The following EPHA4 variants were observed in gnomAD, a reference collection of about 807,000 sequenced individuals.
The protein encoded by EPHA4 is EPH receptor A4, also known as ephrin type-A receptor 4.
Under a neutral mutation model 108.3 loss-of-function variants are expected in EPHA4, and 19 were observed. That is an observed-to-expected ratio of 0.18 (90% CI 0.12 to 0.26). The LOEUF (loss-of-function observed/expected upper bound fraction) is 0.26. Among genes scored for constraint, EPHA4 ranks in the 10% least tolerant of loss-of-function variants. EPHA4 has a pLI of 1.00. For missense variants in EPHA4, 917 were observed against 1,254.0 expected, an observed-to-expected ratio of 0.73 and a Z score of 4.06; for synonymous variants, 449 against 455.5, an observed-to-expected ratio of 0.99 and a Z score of 0.18.
upstream of EPHA4, chr2:221,572,450 G>A (rs1201333784): frequency 7.8e-6 from 3 of 386,534 alleles, no homozygotes; most frequent in African/African-American, 2.1e-5. Flanking sequence ...CCGCCCCAGG[G>A]TTCCGCCCCC....
rs146267447 is a variant in EPHA4, at chr2:221,430,524, C to G, written c.2497-373G>C. 6.5e-4 allele frequency among the ~76,000 whole-genome samples: 99 copies of G among 152,156 alleles called. 1 individual carries two copies. Among genetic ancestry groups the G allele is most frequent in the African/African-American group, 2.2e-3 (90 of 41,520 alleles). On this transcript the variant is annotated intron_variant, in intron 14 of 17. Transcript: ENST00000281821. ...TCTGCTATTAGCACACCTAAACACT[C>G]TTCGCAAAAGAGACTCTGACTTAGT...
intron 5 of EPHA4, among the ~76,000 whole-genome samples, chr2:221,460,288 A>G (rs547332249): frequency 2.0e-5 from 3 of 152,212 alleles, no homozygotes; most frequent in Non-Finnish European, 4.4e-5. Flanking sequence ...AGAACGAAGG[A>G]TTAAATGAAA....
At position 221,571,260 on chromosome 2, in the gene EPHA4, A is replaced by G. The variant is rs1449332682; in HGVS notation, c.91+898T>C. On this transcript the variant is annotated intron_variant, in intron 1 of 17. Transcript: ENST00000281821. The surrounding 1 kb of genome is among the most constrained non-coding windows in gnomAD (Gnocchi z 6.3). ...ATGCACACACACACCACACATACAC[A>G]CACACACACACACAGTTCGCCTCTC... Among the ~76,000 whole-genome samples the G allele has an allele frequency of 6.7e-6, 1 of 149,596 alleles. No individual in the cohort carries two copies. Among genetic ancestry groups the G allele is most frequent in the African/African-American group, 2.4e-5 (1 of 40,904 alleles).
At chr2:221,421,352 AGTG>A (rs1689757129) in intron 17 of EPHA4, among the ~76,000 whole-genome samples, 1 of 152,208 alleles carries the variant, frequency 6.6e-6, no homozygotes. Flanking sequence ...AGTGAAAAAA[AGTG>A]GTGGTTTTTC....
intron 3 of EPHA4, among the ~76,000 whole-genome samples, chr2:221,553,335 A>C (rs1001868688): frequency 1.3e-5 from 2 of 152,232 alleles, no homozygotes; most frequent in African/African-American, 4.8e-5. Flanking sequence ...CTAATGAAGA[A>C]TCCACTGTGG....
At chr2:221,500,677 C>G (rs1692460356) in intron 4 of EPHA4, among the ~76,000 whole-genome samples, 1 of 152,172 alleles carries the variant, frequency 6.6e-6, no homozygotes. Context: ...ACCTGTTTCT[C>G]CTGCCAGTTG....
chr2:221,559,290 A>G (rs1459786518), intron 3 of EPHA4, among the ~76,000 whole-genome samples: 1 of 152,234 alleles, frequency 6.6e-6, no homozygotes, highest in Non-Finnish European at 1.5e-5. Flanking sequence ...CTCCAAAAGA[A>G]TGTTTTTATT....
chr2:221,446,772 T>C (rs1015562415), intron 8 of EPHA4, among the ~76,000 whole-genome samples: 2 of 152,170 alleles, frequency 1.3e-5, no homozygotes, highest in African/African-American at 4.8e-5. Context: ...TCCCAACTTA[T>C]TAACAAAATG....
At chr2:221,562,437 A>G (rs1694497441) in intron 3 of EPHA4, among the ~76,000 whole-genome samples, 1 of 152,210 alleles carries the variant, frequency 6.6e-6, no homozygotes, top group South Asian at 2.1e-4. Context: ...CTGGATTTTC[A>G]GTCAATCAAG....
intron 4 of EPHA4, among the ~76,000 whole-genome samples, chr2:221,499,717 TATATATATATATATATATATATATATA>T: frequency 2.3e-5 from 1 of 42,642 alleles, no homozygotes; most frequent in Non-Finnish European, 3.9e-5. Context: ...CTAAAACTAA[TATATATATATATATATATATATATATA>T]TATATATATA....
intron 3 of EPHA4, among the ~76,000 whole-genome samples, chr2:221,520,252 C>T (rs76203859): frequency 0.026 from 3,940 of 152,142 alleles, 108 homozygotes; most frequent in East Asian, 0.07. Flanking sequence ...ACCAGTTGTT[C>T]TCACTTGGAT....
intron 15 of EPHA4, among the ~76,000 whole-genome samples, chr2:221,428,043 T>C (rs187976999): frequency 3.5e-4 from 54 of 152,338 alleles, no homozygotes; most frequent in African/African-American, 1.1e-3. Context: ...AATTATTCTT[T>C]CAATTTTGAG....
intron 4 of EPHA4, among the ~76,000 whole-genome samples, chr2:221,491,447 A>G (rs1559264114): frequency 6.6e-6 from 1 of 152,232 alleles, no homozygotes; most frequent in Admixed American, 6.5e-5. Flanking sequence ...AAGACAGCCA[A>G]CATGCGCAAA....
At chr2:221,566,469 C>A (rs939469859) in intron 2 of EPHA4, among the ~76,000 whole-genome samples, 5 of 151,974 alleles carry the variant, frequency 3.3e-5, no homozygotes, top group African/African-American at 9.7e-5. Flanking sequence ...AAAAAGTCCT[C>A]GTCAATTATA....
chr2:221,568,861 G>A (rs567732717), intron 1 of EPHA4, 76 bp from the exon 2 acceptor site: 9 of 1,227,500 alleles, frequency 7.3e-6, no homozygotes, highest in South Asian at 5.3e-5. Context: ...TTGCCTGAGC[G>A]TTTCCATATG....
chr2:221,563,893 C>T lies in EPHA4; in HGVS notation c.661G>A (p.Ala221Thr). The stretch of plus-strand genomic sequence containing the variant: ...ACTTCCACCAGGGAAGACGTATCAG[C>T]CCCTGTGATGGTGTCAGGAAACTGG... ...LAQFPDTITG[A>T]DTSSLVEVRG... is the part of the protein sequence containing the mutation. Residue 221 changes from alanine (A) to threonine (T), a missense_variant, in exon 3 of 18, where the codon GCT (alanine) becomes ACT (threonine). Ala to Thr is a moderately conservative substitution (Grantham distance 58, BLOSUM62 0). This residue lies in a region of EPHA4 where 758 missense variants were observed against 1,076.7 expected (regional missense o/e 0.70). Transcript: ENST00000281821. 6.2e-7 allele frequency: 1 copy of T among 1,614,222 alleles called. No individual in the cohort carries two copies. The highest frequency in any genetic ancestry group is 2.2e-5 in the East Asian group (1 of 44,878).
At chr2:221,550,129 G>A (rs1371196043) in intron 3 of EPHA4, among the ~76,000 whole-genome samples, 5 of 152,122 alleles carry the variant, frequency 3.3e-5, no homozygotes, top group Non-Finnish European at 5.9e-5. Context: ...TATCCACTAC[G>A]CTGGGCTGGA....
upstream of EPHA4, chr2:221,572,517 T>G (rs1574672362): frequency 9.4e-6 from 2 of 213,012 alleles, no homozygotes; most frequent in East Asian, 9.3e-5. Context: ...GCACGGCCGG[T>G]CCCCGCCCCC....
intron 3 of EPHA4, among the ~76,000 whole-genome samples, chr2:221,536,170 C>G (rs1037931588): frequency 1.1e-4 from 16 of 152,268 alleles, no homozygotes; most frequent in African/African-American, 3.6e-4. Flanking sequence ...TAAGAGCTAC[C>G]GGGCACCCTG....
Sources: allele counts gnomAD v4.1 joint callset (sites outside exome capture counted in the v4.1 genomes callset), GRCh38; gene constraint gnomAD v4.1.1; regional missense constraint gnomAD v4.1.1; non-coding constraint Gnocchi (gnomAD v3.1); transcripts MANE v1.5; gene names NCBI Gene and HGNC (gene_info 2026-07-23, HGNC 2026-07-21).